CTNNA3: variants seen among roughly 807,000 people sequenced by gnomAD.
The protein encoded by CTNNA3 is catenin alpha-3.
In CTNNA3, 76 loss-of-function variants were observed where a neutral mutation model predicts 95.7. The ratio of observed to expected loss-of-function variants is 0.79; its 90% CI spans 0.66 to 0.96. The LOEUF (loss-of-function observed/expected upper bound fraction) is 0.96. Ranked by LOEUF, CTNNA3 falls within the 40% of genes least tolerant of loss-of-function variation. CTNNA3 has a pLI of 0.00. For missense variants in CTNNA3, 1,191 were observed against 1,089.8 expected (o/e 1.09, Z -1.31); for synonymous variants, 431 against 374.4 (o/e 1.15, Z -1.74).
chr10:66,761,479 C>T (rs936694676), intron 9 of CTNNA3, among the ~76,000 whole-genome samples: 32 of 152,004 alleles, frequency 2.1e-4, no homozygotes, highest in East Asian at 5.8e-4. Context: ...ATAACTAATA[C>T]GATAAAATCC....
chr10:66,964,072 G>A (rs186839646), intron 7 of CTNNA3, among the ~76,000 whole-genome samples: 9 of 151,738 alleles, frequency 5.9e-5, no homozygotes, highest in Middle Eastern at 3.4e-3. Flanking sequence ...GGATGGTCTC[G>A]ATCTTCTGAC....
At chr10:66,360,788 C>CTTTCTTT (rs1564897092) in intron 12 of CTNNA3, among the ~76,000 whole-genome samples, 2 of 56,934 alleles carry the variant, frequency 3.5e-5, no homozygotes, top group Admixed American at 2.2e-4. Flanking sequence ...TTTCTTTCTT[C>CTTTCTTT]CTTCCTTCCT....
intron 16 of CTNNA3, among the ~76,000 whole-genome samples, chr10:65,983,076 T>C (rs2078357895): frequency 6.6e-6 from 1 of 151,714 alleles, no homozygotes; most frequent in Non-Finnish European, 1.5e-5. Flanking sequence ...TTGGTTTATA[T>C]TTCTTTACTT....
At chr10:67,342,268 A>G (rs2132618026) in intron 5 of CTNNA3, among the ~76,000 whole-genome samples, 1 of 151,422 alleles carries the variant, frequency 6.6e-6, no homozygotes, top group Admixed American at 6.6e-5. Flanking sequence ...TGCCCGGCTA[A>G]TTTTTTGTAT....
chr10:66,195,243 A>G (rs751683554), intron 13 of CTNNA3, among the ~76,000 whole-genome samples: 1 of 152,032 alleles, frequency 6.6e-6, no homozygotes, highest in African/African-American at 2.4e-5. Context: ...TATTTTCTCT[A>G]TATATAACAC....
At chr10:66,335,561 A>G (rs193170250) in intron 12 of CTNNA3, among the ~76,000 whole-genome samples, 1 of 152,046 alleles carries the variant, frequency 6.6e-6, no homozygotes, top group Non-Finnish European at 1.5e-5. Flanking sequence ...GGTGAACAGC[A>G]AATGTTGCTG....
chr10:67,537,718 G>T (rs894972768), intron 4 of CTNNA3, among the ~76,000 whole-genome samples: 2 of 152,024 alleles, frequency 1.3e-5, no homozygotes, highest in African/African-American at 4.8e-5. Context: ...AGGAATTATT[G>T]GGTCATTGGA....
rs185238731 is a variant in CTNNA3, at chr10:67,027,339, T to C, written c.1047+152978A>G. Among the ~76,000 whole-genome samples the C allele has an allele frequency of 3.2e-3, 490 of 152,268 alleles. 5 individuals are homozygous for C. Among genetic ancestry groups the C allele is most frequent in the African/African-American group, 0.011 (460 of 41,558 alleles). ...ATCTGACATTCAACTGACATTCTTC[T>C]AAAATTGGTATTCCTGGATTACTTT... On this transcript the variant is annotated intron_variant, in intron 7 of 17. Transcript: ENST00000433211.
chr10:67,665,085 C>G (rs1840297919), intron 1 of CTNNA3, among the ~76,000 whole-genome samples: 1 of 152,148 alleles, frequency 6.6e-6, no homozygotes, highest in Non-Finnish European at 1.5e-5. Context: ...AGTAATAGCT[C>G]AGTTACAGAG....
At chr10:66,832,332 C>T (rs565902207) in intron 7 of CTNNA3, among the ~76,000 whole-genome samples, 2 of 152,224 alleles carry the variant, frequency 1.3e-5, no homozygotes, top group African/African-American at 2.4e-5. Context: ...TGTAAAAGCA[C>T]ACACAGCTCA....
intron 9 of CTNNA3, among the ~76,000 whole-genome samples, chr10:66,642,680 T>G (rs994030386): frequency 6.6e-6 from 1 of 152,120 alleles, no homozygotes; most frequent in Non-Finnish European, 1.5e-5. Context: ...TCTCCAAATA[T>G]TTTAAAAGCC....
At chr10:67,297,601 T>C (rs1422468697) in intron 5 of CTNNA3, among the ~76,000 whole-genome samples, 2 of 152,156 alleles carry the variant, frequency 1.3e-5, no homozygotes, top group East Asian at 1.9e-4. Flanking sequence ...AAGCCATAGA[T>C]ATGGACTGAA....
intron 11 of CTNNA3, among the ~76,000 whole-genome samples, chr10:66,505,336 A>G (rs1169375835): frequency 6.6e-6 from 1 of 152,160 alleles, no homozygotes; most frequent in Non-Finnish European, 1.5e-5. Context: ...AGCCTATTCA[A>G]TCATTTCTGA....
Position 65,918,626 on chromosome 10 carries a change from T to C in CTNNA3, c.*1704A>G, listed in dbSNP as rs1287412472. Reference sequence around the variant, plus strand: ...TGCATTCTGTTCAGAATAGTTATTGTAGGCCAGTCTATGGTGCAAAACAGG... The same window carrying C: ...TGCATTCTGTTCAGAATAGTTATTGCAGGCCAGTCTATGGTGCAAAACAGG... On this transcript the variant is annotated 3_prime_UTR_variant, in exon 18 of 18. Coordinates refer to ENST00000433211, the MANE Select transcript of CTNNA3 (RefSeq NM_013266.4). 6 of 152,324 alleles carry C rather than the reference T, an allele frequency of 3.9e-5. No individual in the cohort carries two copies. The highest frequency in any genetic ancestry group is 3.9e-4 in the East Asian group (2 of 5,188). 9.4% of individuals were successfully genotyped at this position (152,324 alleles called of 1,614,324 possible).
intron 13 of CTNNA3, among the ~76,000 whole-genome samples, chr10:66,274,598 G>A (rs2091352647): frequency 6.6e-6 from 1 of 151,904 alleles, no homozygotes; most frequent in Non-Finnish European, 1.5e-5. Flanking sequence ...TTTGTAATTT[G>A]GTATGATTTT....
At chr10:67,460,593 T>C (rs531623717) in intron 5 of CTNNA3, among the ~76,000 whole-genome samples, 14 of 152,312 alleles carry the variant, frequency 9.2e-5, no homozygotes, top group African/African-American at 3.4e-4. Flanking sequence ...TACTTTTTCA[T>C]TTTATTACTT....
chr10:67,006,152 T>G (rs1295086171), intron 7 of CTNNA3, among the ~76,000 whole-genome samples: 1 of 152,264 alleles, frequency 6.6e-6, no homozygotes, highest in East Asian at 1.9e-4. Flanking sequence ...GCCTGTTTCT[T>G]GCAGGGAAGC....
intron 11 of CTNNA3, among the ~76,000 whole-genome samples, chr10:66,496,041 C>G (rs1246521615): frequency 6.6e-6 from 1 of 152,066 alleles, no homozygotes; most frequent in African/African-American, 2.4e-5. Flanking sequence ...GTCCTAACAA[C>G]CATATTAGCA....
chr10:66,038,792 G>C (rs72791476), intron 15 of CTNNA3, among the ~76,000 whole-genome samples: 9,367 of 152,248 alleles, frequency 0.062, 413 homozygotes, highest in Middle Eastern at 0.11. Context: ...ACATCATAAT[G>C]AATGGACAAA....
Sources: allele counts gnomAD v4.1 joint callset (sites outside exome capture counted in the v4.1 genomes callset), GRCh38; gene constraint gnomAD v4.1.1; transcripts MANE v1.5; gene names NCBI Gene and HGNC (gene_info 2026-07-23, HGNC 2026-07-21).